The following NMT2 variants were observed in gnomAD, a reference collection of about 807,000 sequenced individuals.
NMT2 encodes N-myristoyltransferase 2.
Under a neutral mutation model 65.4 loss-of-function variants are expected in NMT2, and 35 were observed. The observed-to-expected ratio is 0.54, with a 90% CI of 0.41 to 0.71. The LOEUF is 0.71. Ranked by LOEUF, NMT2 falls within the 30% of genes least tolerant of loss-of-function variation. The pLI is 0.00. For missense variants in NMT2, 489 were observed against 611.3 expected (o/e 0.80, Z 2.11); for synonymous variants, 226 against 231.8 (o/e 0.98, Z 0.23).
chr10:15,141,026 T>C (rs999946038), intron 2 of NMT2: 1 of 1,550,750 alleles, frequency 6.4e-7, no homozygotes, highest in African/African-American at 1.4e-5. Flanking sequence ...CAGATGGTGT[T>C]GTGCTATTCA....
chr10:15,108,296 C>A lies in NMT2; in HGVS notation c.*899G>T, dbSNP rs1033481304. ...TCACCTCTCAGGTTCAAGCGATTCT[C>A]CTGCCTCAGCCTCCCAAGCAGCTGG... On this transcript the variant is annotated 3_prime_UTR_variant, in exon 12 of 12. Coordinates refer to ENST00000378165, the MANE Select transcript of NMT2 (RefSeq NM_004808.3). 4.6e-6 allele frequency: 3 copies of A among 647,182 alleles called. No homozygotes were observed. Among genetic ancestry groups the A allele is most frequent in the Non-Finnish European group, 3.8e-6 (2 of 521,454 alleles). The allele number at this position is 647,182 out of a possible 1,614,324, so 40.1% of individuals were successfully genotyped here. A position where few individuals can be genotyped will look rare whatever the true frequency, so the allele number is the denominator to read the frequency against.
intron 7 of NMT2, among the ~76,000 whole-genome samples, chr10:15,129,443 G>C (rs950929415): frequency 1.3e-5 from 2 of 152,162 alleles, no homozygotes; most frequent in Non-Finnish European, 2.9e-5. Flanking sequence ...TAGTGCAGAC[G>C]AAGTTGTAAA....
intron 1 of NMT2, among the ~76,000 whole-genome samples, chr10:15,166,555 C>A (rs1833383626): frequency 6.6e-6 from 1 of 152,174 alleles, no homozygotes; most frequent in Non-Finnish European, 1.5e-5. Flanking sequence ...TCCAAACAGG[C>A]AATCCAAGGA....
intron 1 of NMT2, among the ~76,000 whole-genome samples, chr10:15,148,895 T>A (rs1396113727): frequency 6.6e-6 from 1 of 152,088 alleles, no homozygotes; most frequent in Admixed American, 6.5e-5. Flanking sequence ...ACCAATAAGC[T>A]TAAGAAAACA....
At chr10:15,141,180 A>G (rs1846741953) in intron 2 of NMT2, 2 of 846,342 alleles carry the variant, frequency 2.4e-6, no homozygotes, top group Admixed American at 5.0e-5. Context: ...ATACAAATTC[A>G]CTGAGAAAAG....
chr10:15,130,372 C>T, intron 6 of NMT2, 60 bp from the exon 7 acceptor site: 2 of 1,249,794 alleles, frequency 1.6e-6, no homozygotes, highest in Non-Finnish European at 2.2e-6. Flanking sequence ...GAAGAGTCAA[C>T]ACATTTTAAA....
Position 15,108,329 on chromosome 10 carries a change from G to A in NMT2, c.*866C>T, listed in dbSNP as rs1230354337. On this transcript the variant is annotated 3_prime_UTR_variant, in exon 12 of 12. Coordinates refer to ENST00000378165, the MANE Select transcript of NMT2 (RefSeq NM_004808.3). ...AGCCTCCCAAGCAGCTGGGACTACA[G>A]GCACACGCCACCACGCCCGGCTAAT... 1 of 495,590 alleles carries A rather than the reference G, an allele frequency of 2.0e-6. No homozygotes were observed. Among genetic ancestry groups the A allele is most frequent in the East Asian group, 1.5e-4 (1 of 6,614 alleles). 30.7% of individuals were successfully genotyped at this position (495,590 alleles called of 1,614,324 possible). A position where few individuals can be genotyped will look rare whatever the true frequency, so the allele number is the denominator to read the frequency against.
At chr10:15,164,071 T>A (rs1807004869) in intron 1 of NMT2, among the ~76,000 whole-genome samples, 2 of 149,998 alleles carry the variant, frequency 1.3e-5, no homozygotes, top group Non-Finnish European at 2.9e-5. Flanking sequence ...TAGTCCCAGC[T>A]ACTCCGGAAG....
intron 2 of NMT2, among the ~76,000 whole-genome samples, chr10:15,136,360 G>A (rs990236246): frequency 6.7e-6 from 1 of 148,566 alleles, no homozygotes; most frequent in Non-Finnish European, 1.5e-5. Flanking sequence ...GAAAAAAGGA[G>A]GGAGGGAGCG....
At chr10:15,132,776 A>G (rs188964637) in intron 6 of NMT2, 41 bp downstream of exon 6, 2 of 1,394,060 alleles carry the variant, frequency 1.4e-6, no homozygotes, top group Admixed American at 3.9e-5. Context: ...TTCTTAGAAA[A>G]TAAACATATA....
At chr10:15,136,165 G>A (rs949883269) in intron 2 of NMT2, among the ~76,000 whole-genome samples, 1 of 150,918 alleles carries the variant, frequency 6.6e-6, no homozygotes, top group Non-Finnish European at 1.5e-5. Flanking sequence ...AGGTTGCAGT[G>A]AGCTGAGATC....
chr10:15,148,979 C>A (rs1377258961), intron 1 of NMT2, among the ~76,000 whole-genome samples: 1 of 152,166 alleles, frequency 6.6e-6, no homozygotes, highest in African/African-American at 2.4e-5. Flanking sequence ...GGAAAGGGAA[C>A]ACTCACATGC....
chr10:15,146,148 A>G (rs1443609040), intron 1 of NMT2, among the ~76,000 whole-genome samples: 1 of 152,160 alleles, frequency 6.6e-6, no homozygotes, highest in Non-Finnish European at 1.5e-5. Flanking sequence ...CACAAAGAAA[A>G]GGCTCTCAGT....
At chr10:15,149,481 CCAT>C (rs1456918787) in intron 1 of NMT2, among the ~76,000 whole-genome samples, 5 of 21,226 alleles carry the variant, frequency 2.4e-4, no homozygotes, top group African/African-American at 5.3e-4. Flanking sequence ...ATCATCACCA[CCAT>C]CATCATCACC....
chr10:15,154,601 G>C (rs181311705), intron 1 of NMT2, among the ~76,000 whole-genome samples: 56 of 152,152 alleles, frequency 3.7e-4, no homozygotes, highest in Non-Finnish European at 6.9e-4. Flanking sequence ...TTTTTTGTTA[G>C]TTTTTATTTC....
At position 15,105,992 on chromosome 10, in the gene NMT2, G is replaced by T. The variant is rs1437392268; in HGVS notation, c.*3203C>A. ...GACAAAGTTTCCAACTGGCAATGCT[G>T]CAGTTATTTATTTTACTTTCGAGAT... is the stretch of plus-strand genomic sequence containing the variant. On this transcript the variant is annotated 3_prime_UTR_variant, in exon 12 of 12. Transcript: ENST00000378165. The T allele has an allele frequency of 9.6e-6, 4 of 417,214 alleles. No homozygotes were observed. Among genetic ancestry groups the T allele is most frequent in the Non-Finnish European group, 1.9e-5 (4 of 211,572 alleles). 25.8% of individuals were successfully genotyped at this position (417,214 alleles called of 1,614,324 possible).
At chr10:15,164,868 C>T (rs1833324646) in intron 1 of NMT2, among the ~76,000 whole-genome samples, 1 of 152,020 alleles carries the variant, frequency 6.6e-6, no homozygotes, top group South Asian at 2.1e-4. Flanking sequence ...CCCATCTCTA[C>T]TAAAAATACA....
At chr10:15,125,229 C>T (rs946643912) in intron 8 of NMT2, among the ~76,000 whole-genome samples, 2 of 152,176 alleles carry the variant, frequency 1.3e-5, no homozygotes, top group African/African-American at 4.8e-5. Flanking sequence ...CACTTCATAA[C>T]CTTCAATTTA....
Position 15,168,574 on chromosome 10 carries a change from G to A in NMT2, c.39C>T (p.Ser13=). The change falls in exon 1 of 12, where the codon AGC becomes AGT. Residue 13 remains serine, a synonymous_variant. Transcript: ENST00000378165. ...EDSESAASQQ[S]LELDDQDTCG... Reference sequence around the variant, plus strand: ...ACGTGTCCTGGTCGTCCAGTTCCAGGCTCTGCTGGCTGGCCGCAGACTCGC... The same window carrying A: ...ACGTGTCCTGGTCGTCCAGTTCCAGACTCTGCTGGCTGGCCGCAGACTCGC... The A allele has an allele frequency of 2.5e-6, 4 of 1,589,164 alleles. No homozygotes were observed. The highest frequency in any genetic ancestry group is 3.4e-6 in the Non-Finnish European group (4 of 1,171,308).
Sources: allele counts gnomAD v4.1 joint callset (sites outside exome capture counted in the v4.1 genomes callset), GRCh38; gene constraint gnomAD v4.1.1; transcripts MANE v1.5; gene names NCBI Gene and HGNC (gene_info 2026-07-23, HGNC 2026-07-21).